The following STAG1 variants were observed in gnomAD, a reference collection of about 807,000 sequenced individuals.
The protein encoded by STAG1 is cohesin subunit SA-1.
Under a neutral mutation model 170.9 loss-of-function variants are expected in STAG1, and 26 were observed. The ratio of observed to expected loss-of-function variants is 0.15; its 90% CI spans 0.11 to 0.21. The LOEUF is 0.21. STAG1 is among the 10% of genes least tolerant of loss of function. The pLI is 1.00. For synonymous variants in STAG1, 514 were observed against 497.7 expected, an observed-to-expected ratio of 1.03 and a Z score of -0.44; for missense variants, 964 against 1,509.5, an observed-to-expected ratio of 0.64 and a Z score of 5.99.
intron 1 of STAG1, among the ~76,000 whole-genome samples, chr3:136,699,230 AGAAT>A (rs1251955533): frequency 6.6e-6 from 1 of 152,230 alleles, no homozygotes; most frequent in African/African-American, 2.4e-5. Flanking sequence ...TAAAAAAGAA[AGAAT>A]GACTTCCTTT....
intron 4 of STAG1, among the ~76,000 whole-genome samples, chr3:136,579,958 ATTT>A (rs749325884): frequency 3.0e-4 from 22 of 73,644 alleles, no homozygotes; most frequent in African/African-American, 1.0e-3. Context: ...TACCATCTGA[ATTT>A]TTTTTTTTTT....
chr3:136,715,411 G>A (rs1943513502), intron 1 of STAG1, among the ~76,000 whole-genome samples: 1 of 150,980 alleles, frequency 6.6e-6, no homozygotes, highest in African/African-American at 2.4e-5. Flanking sequence ...ATGAGGTCAG[G>A]ACATGGAGAT....
chr3:136,527,508 G>A (rs887811188), intron 6 of STAG1, among the ~76,000 whole-genome samples: 1 of 151,820 alleles, frequency 6.6e-6, no homozygotes, highest in African/African-American at 2.4e-5. Context: ...TCTTTTTTTG[G>A]TTTTCAGCTT....
chr3:136,551,037 C>T (rs1306473850), intron 5 of STAG1, among the ~76,000 whole-genome samples: 2 of 151,868 alleles, frequency 1.3e-5, no homozygotes, highest in East Asian at 3.9e-4. Context: ...TTGTAAATTA[C>T]ATTTCTCCAC....
chr3:136,648,454 T>C (rs1941105633), intron 1 of STAG1, among the ~76,000 whole-genome samples: 1 of 152,244 alleles, frequency 6.6e-6, no homozygotes, highest in South Asian at 2.1e-4. Flanking sequence ...ATCCTAATTT[T>C]ACTACTGCTT....
At chr3:136,394,082 A>G (rs886935641) in intron 22 of STAG1, among the ~76,000 whole-genome samples, 6 of 151,932 alleles carry the variant, frequency 3.9e-5, no homozygotes, top group Admixed American at 2.6e-4. Context: ...AAATTTTTGT[A>G]TTTTTAGTAG....
At chr3:136,608,727 C>A (rs35849216) in intron 3 of STAG1, among the ~76,000 whole-genome samples, 1 of 140,198 alleles carries the variant, frequency 7.1e-6, no homozygotes, top group Admixed American at 7.7e-5. Flanking sequence ...TCGAATGAGC[C>A]GGGGAGGTGG....
chr3:136,408,833 G>A (rs1406163550), intron 21 of STAG1, among the ~76,000 whole-genome samples: 2 of 152,082 alleles, frequency 1.3e-5, no homozygotes, highest in East Asian at 3.9e-4. Flanking sequence ...ATGGATAGAA[G>A]AATACTAAAA....
chr3:136,740,174 C>CGG (rs1934587162), intron 1 of STAG1, among the ~76,000 whole-genome samples: 1 of 152,040 alleles, frequency 6.6e-6, no homozygotes, highest in Non-Finnish European at 1.5e-5. Context: ...TCGCTTGAGG[C>CGG]GGAGGTTTCA....
chr3:136,721,828 G>A (rs1247044096), intron 1 of STAG1, among the ~76,000 whole-genome samples: 2 of 151,890 alleles, frequency 1.3e-5, no homozygotes, highest in African/African-American at 4.8e-5. Context: ...GGAGGCTGAG[G>A]CAGAAGAATG....
chr3:136,604,214 C>T, intron 4 of STAG1, 95 bp downstream of exon 4: 1 of 1,128,596 alleles, frequency 8.9e-7, no homozygotes, highest in Non-Finnish European at 1.2e-6. Context: ...ACATAATCAA[C>T]AGAAGTATAT....
chr3:136,466,028 G>C (rs1052403345), intron 12 of STAG1, among the ~76,000 whole-genome samples: 6 of 151,996 alleles, frequency 3.9e-5, no homozygotes, highest in African/African-American at 1.5e-4. Flanking sequence ...AAAGACCAAA[G>C]GTAGATAAAA....
chr3:136,488,265 G>C (rs1363828496), intron 9 of STAG1, among the ~76,000 whole-genome samples: 3 of 152,184 alleles, frequency 2.0e-5, no homozygotes, highest in Admixed American at 6.5e-5. Context: ...TGGGACTATA[G>C]GCACGTGCCA....
chr3:136,421,067 CCTTTA>C (rs2087941483), intron 20 of STAG1, 21 bp downstream of exon 20: 1 of 1,499,530 alleles, frequency 6.7e-7, no homozygotes, highest in Non-Finnish European at 9.2e-7. Flanking sequence ...CACCTCGTTG[CCTTTA>C]CTTTAAATAA....
At chr3:136,498,704 AAAAC>A (rs1176526746) in intron 9 of STAG1, among the ~76,000 whole-genome samples, 7 of 152,122 alleles carry the variant, frequency 4.6e-5, no homozygotes, top group African/African-American at 1.4e-4. Context: ...TAAAAAAAAA[AAAAC>A]AAAGACTGCA....
chr3:136,732,409 T>G (rs541779398), intron 1 of STAG1, among the ~76,000 whole-genome samples: 60 of 152,256 alleles, frequency 3.9e-4, no homozygotes, highest in Non-Finnish European at 1.2e-4. Context: ...AAAGCTAAGA[T>G]TCATAAATAA....
At chr3:136,457,787 G>GA (rs1217568400) in intron 13 of STAG1, among the ~76,000 whole-genome samples, 2 of 152,024 alleles carry the variant, frequency 1.3e-5, no homozygotes, top group African/African-American at 2.4e-5. Context: ...AAGACTACAA[G>GA]AAAAAACTAT....
chr3:136,651,628 T>C (rs774962311), intron 1 of STAG1, among the ~76,000 whole-genome samples: 3 of 152,176 alleles, frequency 2.0e-5, no homozygotes. Context: ...GATCAGTATA[T>C]ATTTCCAACT....
At chr3:136,364,498 T>G (rs1332700656) in intron 25 of STAG1, among the ~76,000 whole-genome samples, 1 of 150,958 alleles carries the variant, frequency 6.6e-6, no homozygotes, top group Non-Finnish European at 1.5e-5. Context: ...ACTGCTTACT[T>G]CTGGGGGGTG....
Sources: gnomAD v4.1 joint callset for allele counts (sites outside exome capture counted in the v4.1 genomes callset) on GRCh38, gnomAD v4.1.1 for gene constraint, MANE v1.5 for transcripts, NCBI Gene and HGNC (gene_info 2026-07-23, HGNC 2026-07-21) for gene names.